Variants in LRP1B observed in about 807,000 individuals in gnomAD.
LRP1B encodes LDL receptor related protein 1B, also known as low-density lipoprotein receptor-related protein 1B.
A neutral mutation model predicts 556.6 loss-of-function variants in LRP1B; 217 were observed. The observed-to-expected ratio is 0.39, with a 90% CI of 0.35 to 0.44. The LOEUF (loss-of-function observed/expected upper bound fraction) is 0.44, where lower values mean the gene tolerates loss of function less well. Ranked by LOEUF, LRP1B falls within the 20% of genes least tolerant of loss-of-function variation. The pLI is 1.00. For missense variants in LRP1B, 5,053 were observed against 5,620.8 expected, an observed-to-expected ratio of 0.90 and a Z score of 3.23; for synonymous variants, 2,047 against 1,865.8, an observed-to-expected ratio of 1.10 and a Z score of -2.50.
At chr2:142,013,574 AT>A (rs982792225) in intron 1 of LRP1B, among the ~76,000 whole-genome samples, 10 of 152,274 alleles carry the variant, frequency 6.6e-5, no homozygotes, top group Admixed American at 2.6e-4. Context: ...GAAAAAAAAA[AT>A]AAGTCACTTG....
intron 11 of LRP1B, among the ~76,000 whole-genome samples, chr2:141,038,738 A>T (rs1014834957): frequency 1.2e-4 from 18 of 152,084 alleles, no homozygotes; most frequent in Non-Finnish European, 2.5e-4. Flanking sequence ...CAATAGTTTA[A>T]TTGTAGTTAA....
chr2:140,753,472 A>G (rs1326912861), intron 35 of LRP1B, among the ~76,000 whole-genome samples: 2 of 152,214 alleles, frequency 1.3e-5, no homozygotes, highest in East Asian at 3.8e-4. Flanking sequence ...GATTTATAGC[A>G]TAATAGGAAA....
At chr2:141,648,105 T>G (rs1689647947) in intron 2 of LRP1B, among the ~76,000 whole-genome samples, 1 of 151,866 alleles carries the variant, frequency 6.6e-6, no homozygotes, top group Non-Finnish European at 1.5e-5. Flanking sequence ...AAAAAAAAAT[T>G]GTGGAGCAGG....
chr2:140,339,171 G>C (rs547528547), intron 77 of LRP1B, among the ~76,000 whole-genome samples: 2 of 151,882 alleles, frequency 1.3e-5, no homozygotes, highest in Non-Finnish European at 1.5e-5. Flanking sequence ...GTGACAGCTT[G>C]ATTGTAACAA....
chr2:141,090,521 A>G (rs1455241909), intron 7 of LRP1B, among the ~76,000 whole-genome samples: 1 of 152,244 alleles, frequency 6.6e-6, no homozygotes, highest in East Asian at 1.9e-4. Context: ...TATCTTTAGC[A>G]TAGAAATGTC....
chr2:141,178,449 A>C (rs1680838424), intron 7 of LRP1B, among the ~76,000 whole-genome samples: 3 of 152,250 alleles, frequency 2.0e-5, no homozygotes, highest in Admixed American at 1.3e-4. Flanking sequence ...GTGGATTCAG[A>C]TATCTTTGAG....
Position 141,235,043 on chromosome 2 carries a change from C to T in LRP1B, c.593-5603G>A, listed in dbSNP as rs186845359. 1.1e-4 allele frequency among the ~76,000 whole-genome samples: 16 copies of T among 152,088 alleles called. No individual in the cohort carries two copies. The South Asian group carries it at 1.2e-3, about 12-fold the overall frequency. On this transcript the variant is annotated intron_variant, in intron 5 of 90. Transcript: ENST00000389484. The stretch of plus-strand genomic sequence containing the variant: ...AAATGAATAATATTCAGAATAATGA[C>T]ATACTGTCATATATCAGAAGAAACT...
chr2:140,734,035 G>A (rs1287037672), intron 35 of LRP1B, among the ~76,000 whole-genome samples: 1 of 152,116 alleles, frequency 6.6e-6, no homozygotes, highest in Non-Finnish European at 1.5e-5. Flanking sequence ...ATATCTCATA[G>A]GATGATCAAC....
At position 140,502,356 on chromosome 2, in the gene LRP1B, T is replaced by C. The variant is rs1040030536; in HGVS notation, c.8663-482A>G. 3.9e-5 allele frequency among the ~76,000 whole-genome samples: 6 copies of C among 151,976 alleles called. No homozygotes were observed. The East Asian group carries it at 1.2e-3, about 29-fold the overall frequency. On this transcript the variant is annotated intron_variant, in intron 54 of 90. Coordinates refer to ENST00000389484, the MANE Select transcript of LRP1B (RefSeq NM_018557.3). ...TAAAACAGATATCAGTGGTGAATAA[T>C]AGCTGTTCCAAATACAGCTATGGAA... is the stretch of plus-strand genomic sequence containing the variant.
intron 1 of LRP1B, among the ~76,000 whole-genome samples, chr2:142,084,868 T>C (rs1420390539): frequency 6.8e-6 from 1 of 147,700 alleles, no homozygotes; most frequent in Non-Finnish European, 1.5e-5. Context: ...TACACTGACA[T>C]TAATATATTT....
intron 41 of LRP1B, among the ~76,000 whole-genome samples, chr2:140,601,903 A>G (rs1682687481): frequency 1.3e-5 from 2 of 152,100 alleles, no homozygotes; most frequent in Non-Finnish European, 2.9e-5. Flanking sequence ...ATTGCCTTTC[A>G]TTTTGGAAAA....
At position 141,355,277 on chromosome 2, in the gene LRP1B, GTCACTAATGTTTTAATAATATTT is replaced by G. The variant is rs762694743; in HGVS notation, c.344-100659_344-100637del. On this transcript the variant is annotated intron_variant, in intron 3 of 90. Transcript: ENST00000389484. ...TTCAAATGTAACAGTCCTTTTTTAA[GTCACTAATGTTTTAATAATATTT>G]TCATTGAGAAATAATTCACATACCT... is the stretch of plus-strand genomic sequence containing the variant. Among the ~76,000 whole-genome samples, 20 of 149,138 alleles carry G rather than the reference GTCACTAATGTTTTAATAATATTT, an allele frequency of 1.3e-4. 1 individual carries two copies. The highest frequency in any genetic ancestry group is 2.6e-4 in the Admixed American group (4 of 15,140).
chr2:141,382,104 C>A (rs1285023638), intron 3 of LRP1B, among the ~76,000 whole-genome samples: 1 of 152,176 alleles, frequency 6.6e-6, no homozygotes, highest in Non-Finnish European at 1.5e-5. Flanking sequence ...GCAAGCTCAA[C>A]CATCTGCCAA....
chr2:142,099,646 C>A (rs916396143), intron 1 of LRP1B, among the ~76,000 whole-genome samples: 2 of 152,026 alleles, frequency 1.3e-5, no homozygotes, highest in Non-Finnish European at 2.9e-5. Flanking sequence ...TCTCTATTGA[C>A]AAATTGCATT....
At chr2:140,825,725 C>T (rs1180087208) in intron 31 of LRP1B, among the ~76,000 whole-genome samples, 1 of 151,880 alleles carries the variant, frequency 6.6e-6, no homozygotes, top group Non-Finnish European at 1.5e-5. Context: ...TTTAACAGAG[C>T]TCGTATTTAG....
chr2:140,702,134 A>T lies in LRP1B; in HGVS notation c.6302+7T>A, dbSNP rs2105428001. The stretch of plus-strand genomic sequence containing the variant: ...GAGACTCAAATACTTATGAAAAAAT[A>T]AATTACCTGTCAGACCAGTAGATGT... On this transcript the variant is annotated splice_region_variant and intron_variant, in intron 39 of 90. Coordinates refer to ENST00000389484, the MANE Select transcript of LRP1B (RefSeq NM_018557.3). The T allele has an allele frequency of 1.9e-6, 3 of 1,611,558 alleles. No homozygotes were observed. The highest frequency in any genetic ancestry group is 2.5e-6 in the Non-Finnish European group (3 of 1,178,972).
chr2:140,373,538 A>T (rs1238263426), intron 68 of LRP1B, among the ~76,000 whole-genome samples: 2 of 152,194 alleles, frequency 1.3e-5, no homozygotes. Flanking sequence ...TTACTCTGAG[A>T]GTATCATTAT....
rs1458128367 is a variant in LRP1B at position 141,198,372 on chromosome 2, TC to T, written c.851-9790del. 2.0e-5 allele frequency among the ~76,000 whole-genome samples: 3 copies of T among 152,218 alleles called. No homozygotes were observed. In the East Asian group the frequency reaches 5.8e-4, roughly 29 times the overall value. On this transcript the variant is annotated intron_variant, in intron 6 of 90. Transcript: ENST00000389484. ...GCCACATTACAGAGCCTTTCCTTAT[TC>T]CTTTAATGAAAGACTGTCCCCATCT...
At chr2:141,164,042 T>TA (rs1680146884) in intron 7 of LRP1B, among the ~76,000 whole-genome samples, 1 of 152,072 alleles carries the variant, frequency 6.6e-6, no homozygotes, top group Admixed American at 6.6e-5. Context: ...ATTGTATTAA[T>TA]AAAATATTGA....
Sources: allele counts gnomAD v4.1 joint callset (sites outside exome capture counted in the v4.1 genomes callset), GRCh38; gene constraint gnomAD v4.1.1; transcripts MANE v1.5; gene names NCBI Gene and HGNC (gene_info 2026-07-23, HGNC 2026-07-21).